Variants in THAP5 observed in about 807,000 individuals in gnomAD.
THAP5 encodes THAP domain containing 5.
Under a neutral mutation model 34.0 loss-of-function variants are expected in THAP5, and 26 were observed. That is an observed-to-expected ratio of 0.77 (90% confidence interval 0.56 to 1.06). THAP5 has a LOEUF of 1.06. Among genes scored for constraint, THAP5 ranks in the 50% least tolerant of loss-of-function variants. The probability of loss-of-function intolerance (pLI) is 0.00; values close to 1 mark genes in which losing one functional copy is unlikely to be tolerated. For synonymous variants in THAP5, 125 were observed against 153.0 expected (o/e 0.82, Z 1.35); for missense variants, 394 against 452.8 (o/e 0.87, Z 1.18).
At chr7:108,544,241 A>T in the THAP5 span, among the ~76,000 whole-genome samples, 1 of 152,152 alleles carries the variant, frequency 6.6e-6, no homozygotes, top group Non-Finnish European at 1.5e-5. Context: ...AAAGAAGGAC[A>T]TTGGGCCAGG....
rs368999173 is a variant in THAP5, at chr7:108,569,145, A to G, written c.80+345T>C. 2.5e-5 allele frequency: 28 copies of G among 1,111,010 alleles called. No individual in the cohort carries two copies. The East Asian group carries it at 4.3e-4, about 17-fold the overall frequency. 68.8% of individuals were successfully genotyped at this position (1,111,010 alleles called of 1,614,324 possible). Reference sequence around the variant, plus strand: ...CTTTGCGTGCACCTTTCCACTTCGCAGGTTTCACGTATCTTAAATGGTGGT... The same window carrying G: ...CTTTGCGTGCACCTTTCCACTTCGCGGGTTTCACGTATCTTAAATGGTGGT... On this transcript the variant is annotated intron_variant, in intron 1 of 2. Transcript: ENST00000415914.
At chr7:108,559,543 CCTT>C (rs1257129150), downstream of THAP5, among the ~76,000 whole-genome samples, 1 of 152,156 alleles carries the variant, frequency 6.6e-6, no homozygotes, top group Non-Finnish European at 1.5e-5. Flanking sequence ...TGTTCCTTCT[CCTT>C]AAGTTTTCTA....
the THAP5 span, among the ~76,000 whole-genome samples, chr7:108,548,684 G>T: frequency 1.3e-5 from 2 of 152,188 alleles, no homozygotes; most frequent in Admixed American, 6.5e-5. Flanking sequence ...TTACAAGGCA[G>T]CAGGCAAGAG....
chr7:108,546,604 T>C, the THAP5 span, among the ~76,000 whole-genome samples: 2 of 152,148 alleles, frequency 1.3e-5, no homozygotes, highest in Non-Finnish European at 2.9e-5. Context: ...TTATCTAAGT[T>C]TGGAAGCAAG....
chr7:108,550,469 AT>A (rs34265124), downstream of THAP5, among the ~76,000 whole-genome samples: 3 of 151,176 alleles, frequency 2.0e-5, no homozygotes, highest in Admixed American at 1.3e-4. Context: ...TCTTTGCTCC[AT>A]TTTTTTTTCT....
At chr7:108,561,943 G>A (rs1864437102), downstream of THAP5, among the ~76,000 whole-genome samples, 1 of 152,198 alleles carries the variant, frequency 6.6e-6, no homozygotes, top group Non-Finnish European at 1.5e-5. Flanking sequence ...GAAAGTCAGA[G>A]TAAGGATGGA....
chr7:108,569,168 G>A (rs1013791571), intron 1 of THAP5: 13 of 1,217,918 alleles, frequency 1.1e-5, no homozygotes, highest in African/African-American at 1.5e-5. Context: ...CTTAAATGGT[G>A]GTTAATGTTG....
At chr7:108,553,449 C>T (rs1864366429), downstream of THAP5, among the ~76,000 whole-genome samples, 1 of 152,304 alleles carries the variant, frequency 6.6e-6, no homozygotes, top group Admixed American at 6.5e-5. Context: ...CTAGTGCTCC[C>T]AACTATATTT....
At chr7:108,569,355 C>T in intron 1 of THAP5, 135 bp downstream of exon 1, 3 of 1,500,710 alleles carry the variant, frequency 2.0e-6, no homozygotes, top group Non-Finnish European at 2.7e-6. Flanking sequence ...TTCCCTCCGT[C>T]TTGCCGCGGG....
At chr7:108,567,710 TAC>T (rs752618292) in intron 1 of THAP5, among the ~76,000 whole-genome samples, 17 of 152,202 alleles carry the variant, frequency 1.1e-4, no homozygotes, top group African/African-American at 3.6e-4. Context: ...ACATTTAAAC[TAC>T]AGTTTGCTGT....
downstream of THAP5, among the ~76,000 whole-genome samples, chr7:108,559,108 C>T (rs1864408619): frequency 6.6e-6 from 1 of 152,150 alleles, no homozygotes; most frequent in African/African-American, 2.4e-5. Flanking sequence ...GGGAACAAAA[C>T]ACAGATAAAT....
chr7:108,542,952 A>C, the THAP5 span, among the ~76,000 whole-genome samples: 53 of 148,834 alleles, frequency 3.6e-4, no homozygotes, highest in African/African-American at 1.2e-3. Context: ...TTTGAGATGG[A>C]GTCTCGCTTT....
Position 108,564,952 on chromosome 7 carries a change from G to C in THAP5, c.427C>G (p.Leu143Val). The change falls in exon 3 of 3, where the codon CTT (leucine) becomes GTT (valine). Residue 143 changes from leucine to valine, a missense_variant. By Grantham distance (32) the Leu-to-Val change is conservative (BLOSUM62 1). Coordinates refer to ENST00000415914, the MANE Select transcript of THAP5 (RefSeq NM_001130475.3). Reference protein sequence around the residue: ...TDVPHQHPELLHSSSLVKPPA... With the variant: ...TDVPHQHPELVHSSSLVKPPA... ...GGCTTTACCAAGGAAGATGAATGAA[G>C]TAATTCTGGATGTTGATGGGGCACA... 10 of 1,561,620 alleles carry C rather than the reference G, an allele frequency of 6.4e-6. No homozygotes were observed. Among genetic ancestry groups the C allele is most frequent in the Non-Finnish European group, 8.7e-6 (10 of 1,150,660 alleles).
At chr7:108,541,966 C>T in the THAP5 span, among the ~76,000 whole-genome samples, 352 of 152,250 alleles carry the variant, frequency 2.3e-3, 1 homozygote, top group African/African-American at 8.0e-3. Flanking sequence ...TTTCTTTTCT[C>T]TTCAAGATGA....
Position 108,563,739 on chromosome 7 carries a change from T to C in THAP5, c.*452A>G, listed in dbSNP as rs1429691247. 6.5e-6 allele frequency: 1 copy of C among 153,074 alleles called. No individual in the cohort carries two copies. Among genetic ancestry groups the C allele is most frequent in the African/African-American group, 2.4e-5 (1 of 41,438 alleles). 9.5% of individuals were successfully genotyped at this position (153,074 alleles called of 1,614,324 possible). On this transcript the variant is annotated 3_prime_UTR_variant, in exon 3 of 3. Coordinates refer to ENST00000415914, the MANE Select transcript of THAP5 (RefSeq NM_001130475.3). ...TTATCTTACAGAAAATGTGTTCTAATAGAATTATCTTAATAAAAAGGGAAG... is the reference window on the plus strand; with the variant it reads ...TTATCTTACAGAAAATGTGTTCTAACAGAATTATCTTAATAAAAAGGGAAG...
Position 108,562,919 on chromosome 7 carries a change from G to T in THAP5, c.*1272C>A, listed in dbSNP as rs376129336. ...GCTTATAAATTTTAATAAAATATAC[G>T]TAAGTGGGAATGTACAGTATTAAGT... On this transcript the variant is annotated 3_prime_UTR_variant, in exon 3 of 3. Coordinates refer to ENST00000415914, the MANE Select transcript of THAP5 (RefSeq NM_001130475.3). 1 of 151,952 alleles carries T rather than the reference G, an allele frequency of 6.6e-6. No individual in the cohort carries two copies. Among genetic ancestry groups the T allele is most frequent in the African/African-American group, 2.4e-5 (1 of 41,380 alleles). The allele number at this position is 151,952 out of a possible 1,614,324, so 9.4% of individuals were successfully genotyped here. A position where few individuals can be genotyped will look rare whatever the true frequency, so the allele number is the denominator to read the frequency against.
chr7:108,569,311 A>T, intron 1 of THAP5, 179 bp downstream of exon 1: 1 of 1,449,108 alleles, frequency 6.9e-7, no homozygotes, highest in Non-Finnish European at 9.1e-7. Flanking sequence ...TCCTCGCGCA[A>T]GAAGGGCATT....
At chr7:108,569,401 G>A in intron 1 of THAP5, 89 bp downstream of exon 1, 1 of 1,543,278 alleles carries the variant, frequency 6.5e-7, no homozygotes, top group Admixed American at 2.0e-5. Flanking sequence ...GGACTCACTG[G>A]CAGAGCGGAC....
chr7:108,569,132 C>T lies in THAP5; in HGVS notation c.80+358G>A, dbSNP rs1790553494. On this transcript the variant is annotated intron_variant, in intron 1 of 2. Coordinates refer to ENST00000415914, the MANE Select transcript of THAP5 (RefSeq NM_001130475.3). Reference sequence around the variant, plus strand: ...GGGTGTAAATTAACTTTGCGTGCACCTTTCCACTTCGCAGGTTTCACGTAT... The same window carrying T: ...GGGTGTAAATTAACTTTGCGTGCACTTTTCCACTTCGCAGGTTTCACGTAT... 14 of 1,089,834 alleles carry T rather than the reference C, an allele frequency of 1.3e-5. No homozygotes were observed. In the South Asian group the frequency reaches 4.3e-4, roughly 34 times the overall value. The allele number at this position is 1,089,834 out of a possible 1,614,324, so 67.5% of individuals were successfully genotyped here.
Sources: allele counts gnomAD v4.1 joint callset (sites outside exome capture counted in the v4.1 genomes callset), GRCh38; gene constraint gnomAD v4.1.1; transcripts MANE v1.5; gene names NCBI Gene and HGNC (gene_info 2026-07-23, HGNC 2026-07-21).